ADH4: variants seen among roughly 807,000 people sequenced by gnomAD.
ADH4 encodes all-trans-retinol dehydrogenase [NAD(+)] ADH4.
Under a neutral mutation model 35.2 loss-of-function variants are expected in ADH4, and 31 were observed. The observed-to-expected ratio is 0.88, with a 90% CI of 0.66 to 1.19. The LOEUF is 1.19. Among genes scored for constraint, ADH4 ranks in the 50% most tolerant of loss-of-function variants. ADH4 has a pLI of 0.00. For missense variants in ADH4, 476 were observed against 458.3 expected (o/e 1.04, Z -0.35); for synonymous variants, 171 against 160.2 (o/e 1.07, Z -0.51).
At position 99,127,239 on chromosome 4, in the gene ADH4, C is replaced by T. The variant is rs374404089; in HGVS notation, c.949G>A (p.Gly317Ser). Residue 317 changes from glycine to serine, a missense_variant, in exon 7 of 9, where the codon GGC (glycine) becomes AGC (serine). Gly to Ser is a moderately conservative substitution (Grantham distance 56). Coordinates refer to ENST00000265512, the MANE Select transcript of ADH4 (RefSeq NM_000670.5). ...LTIFPEELII[G>S]RTINGTFFGG... ...AAGAATGTTCCATTTATAGTACGGC[C>T]GATTATTAGCTCCTCTGGAAAAATA... is the stretch of plus-strand genomic sequence containing the variant. 5.0e-6 allele frequency: 8 copies of T among 1,610,444 alleles called. No individual in the cohort carries two copies. The highest frequency in any genetic ancestry group is 1.6e-4 in the Middle Eastern group (1 of 6,074).
chr4:99,125,534 T>A (rs1573495), intron 8 of ADH4, among the ~76,000 whole-genome samples: 1 of 152,214 alleles, frequency 6.6e-6, no homozygotes, highest in Non-Finnish European at 1.5e-5. Context: ...CCACTTCAAC[T>A]TCTATCTCCT....
At chr4:99,128,115 T>G (rs531261187) in intron 6 of ADH4, among the ~76,000 whole-genome samples, 1 of 152,288 alleles carries the variant, frequency 6.6e-6, no homozygotes, top group African/African-American at 2.4e-5. Context: ...TGGTTCTTAC[T>G]TAGGTTTTCA....
intron 1 of ADH4, 27 bp from the exon 2 acceptor site, chr4:99,142,807 GGAGATA>G (rs1298591391): frequency 5.8e-6 from 9 of 1,552,136 alleles, no homozygotes; most frequent in Non-Finnish European, 7.9e-6. Flanking sequence ...AAAGGAAGAG[GGAGATA>G]GAGATAGAGA....
intron 8 of ADH4, among the ~76,000 whole-genome samples, chr4:99,125,863 G>T (rs1419848455): frequency 6.6e-6 from 1 of 151,984 alleles, no homozygotes; most frequent in Non-Finnish European, 1.5e-5. Context: ...CTCTTTTGTT[G>T]TATCTTCTCT....
At chr4:99,126,254 A>T (rs1354128611) in intron 8 of ADH4, among the ~76,000 whole-genome samples, 1 of 151,246 alleles carries the variant, frequency 6.6e-6, no homozygotes, top group East Asian at 2.0e-4. Flanking sequence ...GCAGAACACC[A>T]CGGTGCTAAA....
intron 8 of ADH4, 53 bp from the exon 9 acceptor site, chr4:99,124,519 C>T: frequency 3.5e-6 from 4 of 1,153,744 alleles, no homozygotes; most frequent in African/African-American, 1.6e-5. Context: ...TAAATTTAAC[C>T]AAAGCTCACA....
Position 99,123,737 on chromosome 4 carries a change from T to C in ADH4, c.*705A>G, listed in dbSNP as rs1201113181. On this transcript the variant is annotated 3_prime_UTR_variant, in exon 9 of 9. Coordinates refer to ENST00000265512, the MANE Select transcript of ADH4 (RefSeq NM_000670.5). Reference sequence around the variant, plus strand: ...CTTTTAGTCATATTAAAATATACAATTAAATTGCTGTTGACTATAGTCTCC... The same window carrying C: ...CTTTTAGTCATATTAAAATATACAACTAAATTGCTGTTGACTATAGTCTCC... The C allele has an allele frequency of 6.6e-6, 1 of 152,126 alleles. No individual in the cohort carries two copies. Among genetic ancestry groups the C allele is most frequent in the African/African-American group, 2.4e-5 (1 of 41,420 alleles). 9.4% of individuals were successfully genotyped at this position (152,126 alleles called of 1,614,324 possible). A position where few individuals can be genotyped will look rare whatever the true frequency, so the allele number is the denominator to read the frequency against.
chr4:99,142,941 T>G, intron 1 of ADH4, 161 bp from the exon 2 acceptor site: 1 of 613,788 alleles, frequency 1.6e-6, no homozygotes. Flanking sequence ...TAGATATTAT[T>G]TTAAAGACAA....
chr4:99,125,085 C>T (rs757639692), intron 8 of ADH4, among the ~76,000 whole-genome samples: 6 of 152,224 alleles, frequency 3.9e-5, no homozygotes, highest in Non-Finnish European at 7.3e-5. Context: ...CCTTTCCTCA[C>T]TCTGGGGCAG....
At chr4:99,140,925 C>A (rs995350233) in intron 3 of ADH4, among the ~76,000 whole-genome samples, 14 of 151,254 alleles carry the variant, frequency 9.3e-5, no homozygotes, top group African/African-American at 3.4e-4. Context: ...GGTACATGTG[C>A]AGGTTTGCTA....
At chr4:99,131,865 A>C in intron 5 of ADH4, 101 bp from the exon 6 acceptor site, 1 of 1,301,684 alleles carries the variant, frequency 7.7e-7, no homozygotes, top group Non-Finnish European at 1.0e-6. Context: ...TATGAATTAA[A>C]GACAGCCTGC....
chr4:99,142,953 G>T (rs962813784), intron 1 of ADH4, 173 bp from the exon 2 acceptor site: 1 of 609,970 alleles, frequency 1.6e-6, no homozygotes, highest in Admixed American at 2.9e-5. Flanking sequence ...TAAAGACAAG[G>T]GATCTTAAAG....
At chr4:99,142,550 TA>T in intron 2 of ADH4, 128 bp downstream of exon 2, 1 of 450,390 alleles carries the variant, frequency 2.2e-6, no homozygotes, top group Non-Finnish European at 3.9e-6. Context: ...TGACTGAATC[TA>T]AAAATACAGC....
intron 3 of ADH4, among the ~76,000 whole-genome samples, chr4:99,140,866 C>CA (rs35246304): frequency 4.2e-4 from 53 of 127,466 alleles, no homozygotes; most frequent in Non-Finnish European, 6.2e-4. Context: ...GGCTCCATCT[C>CA]AAAAAAAAAA....
At chr4:99,129,121 T>G (rs1347447893) in intron 6 of ADH4, among the ~76,000 whole-genome samples, 2 of 151,940 alleles carry the variant, frequency 1.3e-5, no homozygotes, top group Non-Finnish European at 2.9e-5. Context: ...TAAAGAATAA[T>G]TTTACATAAT....
rs776291808 is a variant in ADH4 at position 99,126,659 on chromosome 4, C to T, written c.1053G>A (p.Leu351=). Residue 351 remains leucine, a synonymous_variant, in exon 8 of 9, where the codon CTG becomes CTA. Transcript: ENST00000265512. ...YKNKKFNLDA[L]VTHTLPFDKI... Reference sequence around the variant, plus strand: ...TGTCAAAAGGCAGGGTATGGGTCACCAGTGCATCCAGATTGAATTTCTTAT... The same window carrying T: ...TGTCAAAAGGCAGGGTATGGGTCACTAGTGCATCCAGATTGAATTTCTTAT... 18 of 1,612,098 alleles carry T rather than the reference C, an allele frequency of 1.1e-5. No homozygotes were observed.
chr4:99,136,781 G>T, intron 4 of ADH4, 84 bp from the exon 5 acceptor site: 1 of 863,008 alleles, frequency 1.2e-6, no homozygotes, highest in Non-Finnish European at 1.8e-6. Flanking sequence ...AAAATATGTT[G>T]AGCATTATAT....
intron 5 of ADH4, among the ~76,000 whole-genome samples, chr4:99,135,271 A>T (rs190146224): frequency 6.6e-6 from 1 of 152,192 alleles, no homozygotes; most frequent in Non-Finnish European, 1.5e-5. Context: ...TCTATAAAAA[A>T]TTAAAAAAAT....
At chr4:99,130,471 A>G (rs993189183) in intron 6 of ADH4, among the ~76,000 whole-genome samples, 4 of 152,172 alleles carry the variant, frequency 2.6e-5, no homozygotes, top group Non-Finnish European at 5.9e-5. Context: ...AGAGGGTTAG[A>G]GGTCATTGGA....
Sources: allele counts gnomAD v4.1 joint callset (sites outside exome capture counted in the v4.1 genomes callset), GRCh38; gene constraint gnomAD v4.1.1; transcripts MANE v1.5; gene names NCBI Gene and HGNC (gene_info 2026-07-23, HGNC 2026-07-21).